The following NLGN4X variants were observed in gnomAD, a reference collection of about 807,000 sequenced individuals.
NLGN4X encodes neuroligin-4, X-linked.
In NLGN4X, 3 loss-of-function variants were observed where a neutral mutation model predicts 40.3. That is an observed-to-expected ratio of 0.07 (90% confidence interval 0.03 to 0.19). The LOEUF (loss-of-function observed/expected upper bound fraction) is 0.19. Among genes scored for constraint, NLGN4X ranks in the 10% least tolerant of loss-of-function variants. NLGN4X has a pLI of 1.00. For synonymous variants in NLGN4X, 270 were observed against 306.8 expected, an observed-to-expected ratio of 0.88 and a Z score of 1.25; for missense variants, 382 against 708.3, an observed-to-expected ratio of 0.54 and a Z score of 5.23.
At chrX:6,133,035 C>T (rs2039715784) in intron 2 of NLGN4X, among the ~76,000 whole-genome samples, 1 of 111,476 alleles carries the variant, frequency 9.0e-6, no homozygotes, top group African/African-American at 3.3e-5. Flanking sequence ...AGAAACAGAC[C>T]ATCACCACAA....
chrX:6,021,067 T>C (rs1602076883), intron 3 of NLGN4X, among the ~76,000 whole-genome samples: 2 of 26,597 alleles, frequency 7.5e-5, no homozygotes, highest in Admixed American at 5.5e-4. Context: ...CCTCCCTCCC[T>C]CCCTCCCTCC....
intron 3 of NLGN4X, among the ~76,000 whole-genome samples, chrX:5,989,375 A>G (rs2035619480): frequency 8.9e-6 from 1 of 112,177 alleles, no homozygotes; most frequent in South Asian, 3.7e-4. Flanking sequence ...CTCTGAAGTG[A>G]CTAATTTGAA....
chrX:6,127,742 T>C (rs1266591475), intron 2 of NLGN4X, among the ~76,000 whole-genome samples: 5 of 112,762 alleles, frequency 4.4e-5, no homozygotes. Flanking sequence ...AAACTGTCTG[T>C]ATGAACAATG....
intron 1 of NLGN4X, among the ~76,000 whole-genome samples, chrX:6,210,775 A>G (rs978814643): frequency 2.7e-5 from 3 of 112,649 alleles, no homozygotes; most frequent in African/African-American, 9.7e-5. Context: ...ATATCAATTA[A>G]AAGAAATGTA....
intron 3 of NLGN4X, among the ~76,000 whole-genome samples, chrX:5,928,938 G>C (rs1359977435): frequency 9.2e-6 from 1 of 108,900 alleles, no homozygotes; most frequent in African/African-American, 3.4e-5. Flanking sequence ...TCCTGCCTCA[G>C]TCTCCTGAGT....
intron 1 of NLGN4X, among the ~76,000 whole-genome samples, chrX:6,208,616 T>C (rs1005662336): frequency 1.8e-5 from 2 of 112,064 alleles, no homozygotes; most frequent in Non-Finnish European, 3.8e-5. Flanking sequence ...CATGTAAAAC[T>C]TGGAATAAGT....
chrX:6,226,460 C>G (rs986581624), intron 1 of NLGN4X, among the ~76,000 whole-genome samples: 4 of 111,077 alleles, frequency 3.6e-5, no homozygotes, highest in Non-Finnish European at 3.8e-5. Context: ...GTTGGCCTGA[C>G]CCCCCTGCTC....
chrX:6,133,195 C>A (rs1200624019), intron 2 of NLGN4X, among the ~76,000 whole-genome samples: 2 of 110,894 alleles, frequency 1.8e-5, no homozygotes, highest in African/African-American at 3.3e-5. Context: ...TCACCATCCT[C>A]ATCATCACCA....
intron 3 of NLGN4X, among the ~76,000 whole-genome samples, chrX:5,909,640 C>T (rs775359323): frequency 1.1e-5 from 1 of 92,767 alleles, no homozygotes; most frequent in Non-Finnish European, 2.1e-5. Flanking sequence ...GAAAACAGTA[C>T]GTGTGTGGGG....
chrX:5,895,942 T>C (rs2031463076), intron 5 of NLGN4X, among the ~76,000 whole-genome samples: 1 of 112,118 alleles, frequency 8.9e-6, no homozygotes, highest in Non-Finnish European at 1.9e-5. Flanking sequence ...AAATTTTCAG[T>C]TATTTAACGT....
intron 1 of NLGN4X, among the ~76,000 whole-genome samples, chrX:6,225,007 TATATAC>T (rs1452221390): frequency 5.8e-5 from 3 of 51,552 alleles, no homozygotes; most frequent in Non-Finnish European, 1.2e-4. Flanking sequence ...TATATATATA[TATATAC>T]ACACACACAC....
At chrX:5,978,311 T>TCC (rs1491119439) in intron 3 of NLGN4X, among the ~76,000 whole-genome samples, 1 of 95,068 alleles carries the variant, frequency 1.1e-5, no homozygotes, top group African/African-American at 4.4e-5. Context: ...TTTCTTTCTT[T>TCC]CTTTCTTTCT....
intron 2 of NLGN4X, among the ~76,000 whole-genome samples, chrX:6,057,202 G>A (rs1029238569): frequency 8.0e-5 from 9 of 111,810 alleles, no homozygotes; most frequent in African/African-American, 2.3e-4. Flanking sequence ...ATTGAGTGAC[G>A]TGCATTTGTA....
intron 2 of NLGN4X, among the ~76,000 whole-genome samples, chrX:6,057,305 T>C (rs1287892052): frequency 9.0e-6 from 1 of 111,706 alleles, no homozygotes; most frequent in Non-Finnish European, 1.9e-5. Flanking sequence ...GATTCAGTGA[T>C]TTGTCTAGAG....
chrX:6,111,900 A>C (rs2039157255), intron 2 of NLGN4X, among the ~76,000 whole-genome samples: 1 of 112,002 alleles, frequency 8.9e-6, no homozygotes, highest in Non-Finnish European at 1.9e-5. Flanking sequence ...AATATTGTAA[A>C]AATTTTTTAA....
At chrX:5,916,887 T>G (rs1374890301) in intron 3 of NLGN4X, among the ~76,000 whole-genome samples, 2 of 112,271 alleles carry the variant, frequency 1.8e-5, no homozygotes, top group Admixed American at 1.9e-4. Flanking sequence ...TAAATCTCCC[T>G]TTTTAGCAAC....
chrX:6,042,708 T>C (rs1244784264), intron 2 of NLGN4X, among the ~76,000 whole-genome samples: 4 of 34,442 alleles, frequency 1.2e-4, no homozygotes, highest in East Asian at 2.0e-3. Flanking sequence ...TATATATATA[T>C]ATATATATAT....
intron 1 of NLGN4X, among the ~76,000 whole-genome samples, chrX:6,227,507 GC>G (rs201760049): frequency 1.8e-5 from 2 of 109,108 alleles, no homozygotes; most frequent in Non-Finnish European, 3.8e-5. Context: ...GCAGCTGCAA[GC>G]CCCCCCGCGC....
At chrX:5,906,551 C>G (rs977149666) in intron 4 of NLGN4X, among the ~76,000 whole-genome samples, 1 of 111,636 alleles carries the variant, frequency 9.0e-6, no homozygotes, top group Non-Finnish European at 1.9e-5. Context: ...GGGTCTCACT[C>G]TGTCACCCAG....
Sources: gnomAD v4.1 joint callset for allele counts (sites outside exome capture counted in the v4.1 genomes callset) on GRCh38, gnomAD v4.1.1 for gene constraint, MANE v1.5 for transcripts, NCBI Gene and HGNC (gene_info 2026-07-23, HGNC 2026-07-21) for gene names.